Variants in LRTM3 observed in about 807,000 individuals in gnomAD.
The protein encoded by LRTM3 is leucine-rich repeat transmembrane protein 3.
the LRTM3 span, chr13:102,759,032 G>A: frequency 1.5e-6 from 1 of 687,672 alleles, no homozygotes. Flanking sequence ...TCATAACCAT[G>A]TGCAACATTT....
chr13:102,745,039 G>T, the LRTM3 span: 1 of 1,550,774 alleles, frequency 6.4e-7, no homozygotes, highest in Non-Finnish European at 8.7e-7. Flanking sequence ...TGCCATTTTG[G>T]GTCTGGAGGC....
chr13:102,733,374 C>T, the LRTM3 span: 1 of 1,551,300 alleles, frequency 6.4e-7, no homozygotes, highest in Admixed American at 2.0e-5. Flanking sequence ...CATGAACCTG[C>T]AAGTTCTGGA....
At chr13:102,741,116 G>T in the LRTM3 span, 50 of 1,549,684 alleles carry the variant, frequency 3.2e-5, no homozygotes, top group South Asian at 6.0e-4. Flanking sequence ...AGGGAGAACA[G>T]ATTCCAGAAT....
the LRTM3 span, chr13:102,730,490 A>T: frequency 1.3e-6 from 2 of 1,551,586 alleles, no homozygotes; most frequent in Middle Eastern, 1.7e-4. Flanking sequence ...TCTTTCTTGA[A>T]ACCATACATG....
the LRTM3 span, chr13:102,748,801 C>A: frequency 6.4e-7 from 1 of 1,550,456 alleles, no homozygotes; most frequent in East Asian, 2.4e-5. Context: ...CAGTGTTGAC[C>A]ATGAAGGATT....
At chr13:102,750,297 C>T in the LRTM3 span, 1 of 1,547,796 alleles carries the variant, frequency 6.5e-7, no homozygotes, top group South Asian at 1.2e-5. Flanking sequence ...CATAGTATTT[C>T]ACGTGAGAAT....
the LRTM3 span, chr13:102,743,259 C>G: frequency 6.4e-7 from 1 of 1,550,650 alleles, no homozygotes; most frequent in Non-Finnish European, 8.7e-7. Flanking sequence ...GCTAGTGACT[C>G]TATTTGTGTT....
the LRTM3 span, among the ~76,000 whole-genome samples, chr13:102,751,027 G>T: frequency 6.6e-6 from 1 of 152,154 alleles, no homozygotes; most frequent in Non-Finnish European, 1.5e-5. Flanking sequence ...CAGTTTGGCT[G>T]GGCAGTGATG....
At chr13:102,748,088 A>T in the LRTM3 span, 1 of 1,551,110 alleles carries the variant, frequency 6.4e-7, no homozygotes. Flanking sequence ...GAGCCTTATT[A>T]TTCTTAATGT....
chr13:102,750,197 A>G, the LRTM3 span: 433 of 1,551,366 alleles, frequency 2.8e-4, no homozygotes, highest in Non-Finnish European at 3.0e-4. Flanking sequence ...TGAATAAAAC[A>G]ATGGCAAAGA....
the LRTM3 span, among the ~76,000 whole-genome samples, chr13:102,750,693 G>A: frequency 5.3e-5 from 8 of 152,204 alleles, no homozygotes; most frequent in African/African-American, 1.9e-4. Context: ...TATTTTACAA[G>A]GAATATCTTT....
chr13:102,732,620 G>C, the LRTM3 span: 1 of 1,551,132 alleles, frequency 6.4e-7, no homozygotes, highest in East Asian at 2.4e-5. Flanking sequence ...CTCCCTATGA[G>C]TGATGACTTG....
chr13:102,748,818 G>C, the LRTM3 span: 1 of 1,550,500 alleles, frequency 6.4e-7, no homozygotes, highest in Non-Finnish European at 8.7e-7. Flanking sequence ...GATTGTTCTA[G>C]CTGAGGTAAC....
the LRTM3 span, chr13:102,742,001 G>T: frequency 6.4e-7 from 1 of 1,550,536 alleles, no homozygotes; most frequent in Non-Finnish European, 8.7e-7. Flanking sequence ...AGTACAACCT[G>T]ACAATGACCT....
the LRTM3 span, chr13:102,749,486 G>A: frequency 6.4e-7 from 1 of 1,551,158 alleles, no homozygotes; most frequent in South Asian, 1.2e-5. Flanking sequence ...AACCTTGTTT[G>A]AATCTATAAA....
chr13:102,729,677 G>A, the LRTM3 span: 2 of 1,551,734 alleles, frequency 1.3e-6, no homozygotes, highest in Admixed American at 3.9e-5. Context: ...TTTTCTTTCA[G>A]AATAGAAGTT....
At chr13:102,738,368 G>T in the LRTM3 span, 2 of 1,550,848 alleles carry the variant, frequency 1.3e-6, no homozygotes, top group Non-Finnish European at 8.7e-7. Context: ...TGTTATTTCA[G>T]TGACATACTC....
the LRTM3 span, chr13:102,734,243 TTTCTTACATCACCAC>T: frequency 6.4e-7 from 1 of 1,551,452 alleles, no homozygotes; most frequent in Non-Finnish European, 8.7e-7. Context: ...TGGTTTTCCT[TTTCTTACATCACCAC>T]TCCTTGCCTC....
At chr13:102,733,336 T>A in the LRTM3 span, 1 of 1,551,378 alleles carries the variant, frequency 6.4e-7, no homozygotes, top group South Asian at 1.2e-5. Context: ...CATTACTTTG[T>A]CCATCTTCCT....
Sources: allele counts gnomAD v4.1 joint callset (sites outside exome capture counted in the v4.1 genomes callset), GRCh38; gene constraint gnomAD v4.1.1; transcripts MANE v1.5; gene names NCBI Gene and HGNC (gene_info 2026-07-23, HGNC 2026-07-21).